SLC16A12: variants seen among roughly 807,000 people sequenced by gnomAD.
SLC16A12 encodes the protein solute carrier family 16 member 12.
SLC16A12 carries 17 observed loss-of-function variants against 42.4 expected under a neutral mutation model. The ratio of observed to expected loss-of-function variants is 0.40; its 90% CI spans 0.27 to 0.60. The LOEUF (loss-of-function observed/expected upper bound fraction) is 0.60. SLC16A12 is among the 20% of genes least tolerant of loss of function. SLC16A12 has a pLI of 0.42. For missense variants in SLC16A12, 544 were observed against 623.0 expected (o/e 0.87, Z 1.35); for synonymous variants, 224 against 229.4 (o/e 0.98, Z 0.21).
At chr10:89,509,818 A>G (rs1192513850) in intron 2 of SLC16A12, among the ~76,000 whole-genome samples, 5 of 152,248 alleles carry the variant, frequency 3.3e-5, no homozygotes, top group Non-Finnish European at 7.3e-5. Flanking sequence ...TTTGCAGATG[A>G]CATAATTGTA....
chr10:89,450,289 T>C lies in SLC16A12; in HGVS notation c.201-6430A>G, dbSNP rs111243190. ...ATACCCAAAGGATTATAAATGATGC[T>C]ACTATAAAGACACATGTGCACGTAT... On this transcript the variant is annotated intron_variant, in intron 3 of 7. Coordinates refer to ENST00000371790, the MANE Select transcript of SLC16A12 (RefSeq NM_213606.4). Among the ~76,000 whole-genome samples, 135 of 152,344 alleles carry C rather than the reference T, an allele frequency of 8.9e-4. 1 individual carries two copies. Among genetic ancestry groups the C allele is most frequent in the African/African-American group, 3.2e-3 (132 of 41,580 alleles).
intron 3 of SLC16A12, among the ~76,000 whole-genome samples, chr10:89,457,524 T>C (rs993891315): frequency 2.6e-5 from 4 of 152,182 alleles, no homozygotes; most frequent in African/African-American, 7.2e-5. Flanking sequence ...TTTTACACTA[T>C]TCACAGGAAT....
chr10:89,501,524 C>T (rs1471815041), intron 2 of SLC16A12, among the ~76,000 whole-genome samples: 1 of 152,132 alleles, frequency 6.6e-6, no homozygotes, highest in Non-Finnish European at 1.5e-5. Flanking sequence ...GCCAACTGAT[C>T]TTTGACAAAG....
intron 2 of SLC16A12, among the ~76,000 whole-genome samples, chr10:89,509,565 A>G (rs193219334): frequency 9.2e-5 from 14 of 152,378 alleles, no homozygotes; most frequent in Admixed American, 2.0e-4. Flanking sequence ...AATTCTCAAT[A>G]AACTAGGTAT....
At chr10:89,547,804 C>T (rs2133888539) in intron 2 of SLC16A12, among the ~76,000 whole-genome samples, 1 of 151,760 alleles carries the variant, frequency 6.6e-6, no homozygotes, top group South Asian at 2.1e-4. Flanking sequence ...CAAGACCAGC[C>T]TGGCAAAACC....
intron 2 of SLC16A12, among the ~76,000 whole-genome samples, chr10:89,470,893 T>A (rs2133767300): frequency 7.3e-6 from 1 of 137,112 alleles, no homozygotes; most frequent in African/African-American, 2.7e-5. Context: ...GCCTGCTTGC[T>A]AACCACCTCC....
chr10:89,477,246 C>A (rs17122305), intron 2 of SLC16A12, among the ~76,000 whole-genome samples: 10,830 of 152,196 alleles, frequency 0.071, 523 homozygotes, highest in East Asian at 0.22. Flanking sequence ...AGATTCTTTG[C>A]ATGTGAGTAC....
chr10:89,441,710 G>C (rs1841914849), intron 4 of SLC16A12, among the ~76,000 whole-genome samples: 1 of 152,160 alleles, frequency 6.6e-6, no homozygotes, highest in African/African-American at 2.4e-5. Context: ...AGAGATCATA[G>C]ACAAATTCCA....
chr10:89,499,618 A>G (rs1045938738), intron 2 of SLC16A12, among the ~76,000 whole-genome samples: 1 of 152,182 alleles, frequency 6.6e-6, no homozygotes, highest in Non-Finnish European at 1.5e-5. Context: ...TAGTGACACA[A>G]CCTATCAAAA....
At chr10:89,459,694 A>G (rs160053) in intron 3 of SLC16A12, among the ~76,000 whole-genome samples, 24,411 of 152,176 alleles carry the variant, frequency 0.16, 2,288 homozygotes, top group Non-Finnish European at 0.21. Flanking sequence ...TAATCCTAGC[A>G]CTTGGAGAGG....
intron 2 of SLC16A12, among the ~76,000 whole-genome samples, chr10:89,551,997 G>A (rs1364106675): frequency 1.3e-5 from 2 of 152,198 alleles, no homozygotes; most frequent in Admixed American, 6.5e-5. Flanking sequence ...GCGCAGTGGT[G>A]TGATCTCAGC....
intron 7 of SLC16A12, among the ~76,000 whole-genome samples, chr10:89,435,045 ATTAC>A (rs1256344626): frequency 6.6e-6 from 1 of 152,232 alleles, no homozygotes; most frequent in Non-Finnish European, 1.5e-5. Flanking sequence ...TATTTGTTGA[ATTAC>A]TTGTTTAATG....
intron 2 of SLC16A12, among the ~76,000 whole-genome samples, chr10:89,515,956 A>G (rs1211951513): frequency 6.6e-6 from 1 of 152,184 alleles, no homozygotes; most frequent in Non-Finnish European, 1.5e-5. Flanking sequence ...TTGGCAAGTT[A>G]TATCATCAGA....
intron 2 of SLC16A12, among the ~76,000 whole-genome samples, chr10:89,498,958 TG>T (rs1207179016): frequency 6.6e-6 from 1 of 152,166 alleles, no homozygotes; most frequent in African/African-American, 2.4e-5. Flanking sequence ...GAACACCCCA[TG>T]GGGCAAAAGA....
intron 2 of SLC16A12, among the ~76,000 whole-genome samples, chr10:89,551,256 A>G (rs891917584): frequency 1.3e-5 from 2 of 152,182 alleles, no homozygotes; most frequent in Non-Finnish European, 2.9e-5. Context: ...AGCCTGGCCA[A>G]CATGGTGAAA....
At chr10:89,487,888 T>C (rs752979626) in intron 2 of SLC16A12, among the ~76,000 whole-genome samples, 2 of 146,966 alleles carry the variant, frequency 1.4e-5, no homozygotes, top group Non-Finnish European at 3.0e-5. Flanking sequence ...TACAGCACTA[T>C]TCACAATAGT....
chr10:89,468,621 T>C (rs1348320830), intron 2 of SLC16A12, among the ~76,000 whole-genome samples: 1 of 152,242 alleles, frequency 6.6e-6, no homozygotes, highest in Non-Finnish European at 1.5e-5. Context: ...TATATGGCTG[T>C]TCACAAAACA....
intron 2 of SLC16A12, among the ~76,000 whole-genome samples, chr10:89,483,666 G>C (rs1470759726): frequency 6.8e-6 from 1 of 146,974 alleles, no homozygotes; most frequent in Non-Finnish European, 1.5e-5. Flanking sequence ...CTTTGAGGCT[G>C]TAGTGCATTA....
At chr10:89,459,865 C>G (rs894272486) in intron 3 of SLC16A12, among the ~76,000 whole-genome samples, 1 of 152,120 alleles carries the variant, frequency 6.6e-6, no homozygotes. Context: ...CACTTGAACC[C>G]GGGAGGCGGA....
Sources: allele counts gnomAD v4.1 joint callset (sites outside exome capture counted in the v4.1 genomes callset), GRCh38; gene constraint gnomAD v4.1.1; transcripts MANE v1.5; gene names NCBI Gene and HGNC (gene_info 2026-07-23, HGNC 2026-07-21).